RABGEF1: variants seen among roughly 807,000 people sequenced by gnomAD.
RABGEF1 encodes rab5 GDP/GTP exchange factor.
Under a neutral mutation model 57.3 loss-of-function variants are expected in RABGEF1, and 26 were observed. The observed-to-expected ratio is 0.45, with a 90% CI of 0.33 to 0.63. The LOEUF is 0.63. Among genes scored for constraint, RABGEF1 ranks in the 20% least tolerant of loss-of-function variants. The pLI, the probability that RABGEF1 is intolerant of heterozygous loss-of-function variation, is 0.02. For synonymous variants in RABGEF1, 185 were observed against 210.7 expected, an observed-to-expected ratio of 0.88 and a Z score of 1.06; for missense variants, 464 against 607.6, an observed-to-expected ratio of 0.76 and a Z score of 2.48.
intron 2 of RABGEF1, among the ~76,000 whole-genome samples, chr7:66,713,204 C>G (rs992999957): frequency 3.4e-5 from 5 of 149,124 alleles, no homozygotes; most frequent in Non-Finnish European, 5.9e-5. Flanking sequence ...TGCAGTGGTG[C>G]GATCTCAGCT....
At chr7:66,799,008 G>A (rs558223949) in intron 6 of RABGEF1, among the ~76,000 whole-genome samples, 2 of 152,322 alleles carry the variant, frequency 1.3e-5, no homozygotes, top group South Asian at 2.1e-4. Context: ...AGTAGGCAGC[G>A]AGGACAGGCA....
chr7:66,808,277 G>C (rs1007940803), intron 8 of RABGEF1, among the ~76,000 whole-genome samples: 4 of 150,936 alleles, frequency 2.7e-5, no homozygotes, highest in African/African-American at 9.8e-5. Context: ...GTGCAGTGGC[G>C]TGATCTTGGC....
intron 1 of RABGEF1, among the ~76,000 whole-genome samples, chr7:66,701,759 C>T (rs1584771397): frequency 6.6e-6 from 1 of 152,122 alleles, no homozygotes; most frequent in East Asian, 1.9e-4. Flanking sequence ...CCACCCACCT[C>T]AGCCTCATTT....
intron 2 of RABGEF1, among the ~76,000 whole-genome samples, chr7:66,773,323 A>G (rs781758945): frequency 1.3e-5 from 2 of 152,180 alleles, no homozygotes; most frequent in African/African-American, 2.4e-5. Flanking sequence ...AAACTCCCTC[A>G]GCTTCCTCCC....
At position 66,783,050 on chromosome 7, in the gene RABGEF1, G is replaced by A. The variant is rs375351407; in HGVS notation, c.347-625G>A. ...AGGGGAAAGAATTGTCTGCCCAGCC[G>A]GTGGGATAGTGTAGTGCATGTTTCC... On this transcript the variant is annotated intron_variant, in intron 3 of 8. Transcript: ENST00000284957. Among the ~76,000 whole-genome samples, 8 of 152,238 alleles carry A rather than the reference G, an allele frequency of 5.3e-5. No individual in the cohort carries two copies. The East Asian group carries it at 7.7e-4, about 15-fold the overall frequency.
intron 2 of RABGEF1, among the ~76,000 whole-genome samples, chr7:66,734,543 A>C (rs1485176607): frequency 1.3e-5 from 2 of 150,402 alleles, no homozygotes; most frequent in Admixed American, 1.3e-4. Flanking sequence ...TGATCCGCCC[A>C]TGTTGGCCTC....
chr7:66,739,511 T>A (rs1029391992), upstream of RABGEF1, among the ~76,000 whole-genome samples: 6 of 148,144 alleles, frequency 4.1e-5, no homozygotes, highest in South Asian at 2.2e-4. Context: ...AAAAAAAAAA[T>A]ATGAGCTGGG....
intron 2 of RABGEF1, among the ~76,000 whole-genome samples, chr7:66,728,404 G>A (rs1161232091): frequency 2.0e-5 from 3 of 152,094 alleles, no homozygotes; most frequent in East Asian, 1.9e-4. Flanking sequence ...GGTCAGCTTC[G>A]AGGTTCATGG....
intron 1 of RABGEF1, among the ~76,000 whole-genome samples, chr7:66,750,516 G>C (rs1801171571): frequency 6.6e-6 from 1 of 152,124 alleles, no homozygotes; most frequent in Non-Finnish European, 1.5e-5. Flanking sequence ...GCACTTATAG[G>C]ATGTAAGCTA....
chr7:66,655,075 A>G, the RABGEF1 span, among the ~76,000 whole-genome samples: 8 of 152,256 alleles, frequency 5.3e-5, no homozygotes, highest in East Asian at 1.5e-3. Flanking sequence ...GGACGCTCGG[A>G]CCCAGACCAC....
chr7:66,705,921 A>G (rs1160659977), intron 1 of RABGEF1, among the ~76,000 whole-genome samples: 1 of 99,846 alleles, frequency 1.0e-5, no homozygotes, highest in Admixed American at 1.6e-4. Context: ...TTTGAGACGG[A>G]GTCTCGCTTT....
chr7:66,695,241 G>A (rs62466134), intron 1 of RABGEF1, among the ~76,000 whole-genome samples: 5,558 of 152,122 alleles, frequency 0.037, 159 homozygotes, highest in East Asian at 0.085. Flanking sequence ...GAACCTGGGA[G>A]GCGGAGGTTA....
chr7:66,676,587 G>C, the RABGEF1 span, among the ~76,000 whole-genome samples: 1 of 152,148 alleles, frequency 6.6e-6, no homozygotes, highest in African/African-American at 2.4e-5. Context: ...CCCCATTCTG[G>C]GGATTGCCTT....
rs552648785 is a variant in RABGEF1 at position 66,805,193 on chromosome 7, A to C, written c.874A>C (p.Thr292Pro). 1.2e-6 allele frequency: 2 copies of C among 1,613,676 alleles called. No homozygotes were observed. The highest frequency in any genetic ancestry group is 2.2e-5 in the South Asian group (2 of 91,078). ...RVPRDKLACI[T>P]KCSKHIFNAI... ...GCCTCGAGACAAGCTGGCCTGCATC[A>C]CCAAGTGCAGCAAGCACATCTTCAA... Residue 292 changes from threonine to proline, a missense_variant, in exon 8 of 9, where the codon ACC (threonine) becomes CCC (proline). Physicochemically the swap from Thr to Pro is conservative, Grantham distance 38. Around this residue, in one of 4 missense-constraint regions of RABGEF1, gnomAD observed 284 missense variants for 389.9 expected, o/e 0.73. Coordinates refer to ENST00000284957, the MANE Select transcript of RABGEF1 (RefSeq NM_014504.3).
chr7:66,760,102 G>A, intron 1 of RABGEF1, among the ~76,000 whole-genome samples: 1 of 152,184 alleles, frequency 6.6e-6, no homozygotes, highest in East Asian at 1.9e-4. Context: ...AGCTGACCAA[G>A]CAGGCCCGTC....
At chr7:66,732,347 G>A (rs1025331593) in intron 2 of RABGEF1, among the ~76,000 whole-genome samples, 1 of 152,220 alleles carries the variant, frequency 6.6e-6, no homozygotes, top group African/African-American at 2.4e-5. Flanking sequence ...GCTCAGGCCT[G>A]GCATCTGGGC....
At chr7:66,677,761 C>CAAAAAAAAAAAAA, upstream of RABGEF1, among the ~76,000 whole-genome samples, 1 of 67,488 alleles carries the variant, frequency 1.5e-5, no homozygotes, top group Non-Finnish European at 3.0e-5. Context: ...GACTCCGTCT[C>CAAAAAAAAAAAAA]AAAAAAAAAA....
At chr7:66,806,847 T>C (rs1188037852) in intron 8 of RABGEF1, among the ~76,000 whole-genome samples, 1 of 152,262 alleles carries the variant, frequency 6.6e-6, no homozygotes, top group Non-Finnish European at 1.5e-5. Flanking sequence ...TTTCACCTTG[T>C]TGGCCAGGCT....
At chr7:66,656,369 A>C in the RABGEF1 span, among the ~76,000 whole-genome samples, 2 of 151,994 alleles carry the variant, frequency 1.3e-5, no homozygotes, top group Admixed American at 6.6e-5. Flanking sequence ...CTCCCGCCTC[A>C]AGTCTCCCAA....
Sources: gnomAD v4.1 joint callset for allele counts (sites outside exome capture counted in the v4.1 genomes callset) on GRCh38, gnomAD v4.1.1 for gene constraint, gnomAD v4.1.1 regional missense constraint, MANE v1.5 for transcripts, NCBI Gene and HGNC (gene_info 2026-07-23, HGNC 2026-07-21) for gene names.